Variants in EXOC4 observed in about 807,000 individuals in gnomAD.
EXOC4 encodes SEC8-like 1.
In EXOC4, 71 loss-of-function variants were observed where a neutral mutation model predicts 107.2. That is an observed-to-expected ratio of 0.66 (90% CI 0.55 to 0.81). The LOEUF is 0.81. Among genes scored for constraint, EXOC4 ranks in the 30% least tolerant of loss-of-function variants. EXOC4 has a pLI of 0.00. For missense variants in EXOC4, 1,108 were observed against 1,189.6 expected (o/e 0.93, Z 1.01); for synonymous variants, 456 against 441.2 (o/e 1.03, Z -0.42).
In EXOC4 at chr7:133,317,211, G is replaced by A. The variant is rs572875086; in HGVS notation, c.657-73G>A. 240 of 987,770 alleles carry A rather than the reference G, an allele frequency of 2.4e-4. 6 individuals are homozygous for A. Among genetic ancestry groups the A allele is most frequent in the Middle Eastern group, 2.1e-3 (10 of 4,678 alleles). 61.2% of individuals were successfully genotyped at this position (987,770 alleles called of 1,614,324 possible). On this transcript the variant is annotated intron_variant, in intron 4 of 17. Transcript: ENST00000253861. ...CTCATGACAAAAACAAAAGTGGTAA[G>A]GGTGGGGCTGTAGTGGGAGGACTTT...
At chr7:133,659,029 T>TTTTTTTA (rs1803369198) in intron 10 of EXOC4, among the ~76,000 whole-genome samples, 1 of 111,022 alleles carries the variant, frequency 9.0e-6, no homozygotes, top group African/African-American at 3.2e-5. Flanking sequence ...TTTTTTTTTT[T>TTTTTTTA]GTGGTTCATA....
chr7:133,701,505 G>T (rs1794655286), intron 10 of EXOC4, among the ~76,000 whole-genome samples: 1 of 152,028 alleles, frequency 6.6e-6, no homozygotes, highest in South Asian at 2.1e-4. Context: ...ACATTCCAGG[G>T]CCTCCAATGG....
intron 10 of EXOC4, among the ~76,000 whole-genome samples, chr7:133,760,528 C>T (rs1336902720): frequency 6.6e-6 from 1 of 152,084 alleles, no homozygotes; most frequent in Non-Finnish European, 1.5e-5. Context: ...CTCTACTCAT[C>T]ATCTCTACCT....
At position 133,705,290 on chromosome 7, in the gene EXOC4, C is replaced by G. The variant is rs567163639; in HGVS notation, c.1514+75149C>G. ...TCTAAGGCAGGAGAATCACTTGAAC[C>G]TGGGAGACAGAGGTTGCAGCGAGCT... On this transcript the variant is annotated intron_variant, in intron 10 of 17. Coordinates refer to ENST00000253861, the MANE Select transcript of EXOC4 (RefSeq NM_021807.4). Among the ~76,000 whole-genome samples the G allele has an allele frequency of 2.0e-3, 310 of 152,246 alleles. 2 individuals carry two copies. The highest frequency in any genetic ancestry group is 3.0e-3 in the Non-Finnish European group (206 of 68,014).
intron 9 of EXOC4, among the ~76,000 whole-genome samples, chr7:133,563,163 A>AT (rs1800841234): frequency 6.6e-6 from 1 of 151,834 alleles, no homozygotes; most frequent in South Asian, 2.1e-4. Context: ...ATTAGTGGTC[A>AT]TTTTTTAATG....
chr7:133,635,335 G>A (rs1424956997), intron 10 of EXOC4, among the ~76,000 whole-genome samples: 2 of 152,138 alleles, frequency 1.3e-5, no homozygotes, highest in African/African-American at 4.8e-5. Context: ...GATTTGTGGG[G>A]AGAAGGAGTG....
At chr7:134,057,836 G>A (rs886087298) in intron 17 of EXOC4, among the ~76,000 whole-genome samples, 1 of 152,162 alleles carries the variant, frequency 6.6e-6, no homozygotes, top group Admixed American at 6.5e-5. Flanking sequence ...AGCATCTACT[G>A]TAACCTTTCT....
intron 11 of EXOC4, among the ~76,000 whole-genome samples, chr7:133,877,191 T>C (rs1798868208): frequency 6.6e-6 from 1 of 152,178 alleles, no homozygotes; most frequent in Non-Finnish European, 1.5e-5. Flanking sequence ...ATTCTGTTTT[T>C]AGACATAGGA....
intron 17 of EXOC4, among the ~76,000 whole-genome samples, chr7:134,034,149 T>C (rs1795333917): frequency 6.6e-6 from 1 of 151,898 alleles, no homozygotes; most frequent in African/African-American, 2.4e-5. Context: ...CAGTCCAAAT[T>C]GGGATAATGA....
chr7:133,558,508 G>A (rs184202523), intron 9 of EXOC4, among the ~76,000 whole-genome samples: 2 of 152,154 alleles, frequency 1.3e-5, no homozygotes, highest in East Asian at 3.9e-4. Flanking sequence ...AGAGGGGTGT[G>A]TTAAACATTG....
At chr7:133,403,841 A>C (rs1797148581) in intron 7 of EXOC4, among the ~76,000 whole-genome samples, 1 of 151,996 alleles carries the variant, frequency 6.6e-6, no homozygotes, top group African/African-American at 2.4e-5. Context: ...TGAGGTAGGA[A>C]GGTAGCTTGA....
intron 6 of EXOC4, among the ~76,000 whole-genome samples, chr7:133,371,974 CTG>C (rs1183760340): frequency 9.9e-5 from 15 of 152,150 alleles, no homozygotes; most frequent in Admixed American, 6.5e-5. Context: ...TTGCATATCT[CTG>C]ATGGCTAAAG....
chr7:133,509,899 T>C (rs1799734970), intron 9 of EXOC4, among the ~76,000 whole-genome samples: 1 of 152,190 alleles, frequency 6.6e-6, no homozygotes, highest in Non-Finnish European at 1.5e-5. Context: ...TCATCTTACA[T>C]CTTTTCTTTC....
chr7:133,577,147 A>G (rs1430194819), intron 9 of EXOC4, among the ~76,000 whole-genome samples: 1 of 152,176 alleles, frequency 6.6e-6, no homozygotes, highest in Non-Finnish European at 1.5e-5. Flanking sequence ...CTTTTATTAA[A>G]TTTTGGGTAA....
chr7:133,353,419 G>C (rs1440957793), intron 5 of EXOC4, among the ~76,000 whole-genome samples: 1 of 152,038 alleles, frequency 6.6e-6, no homozygotes, highest in Non-Finnish European at 1.5e-5. Context: ...ATTCTTGGTT[G>C]ACAGTTTTTT....
chr7:133,358,919 A>AT (rs1365622613), intron 6 of EXOC4, among the ~76,000 whole-genome samples: 1 of 152,176 alleles, frequency 6.6e-6, no homozygotes, highest in East Asian at 1.9e-4. Context: ...CAGCAGCAGG[A>AT]TTTTTTTCCC....
chr7:133,719,708 C>G (rs959412539), intron 10 of EXOC4, among the ~76,000 whole-genome samples: 1 of 152,038 alleles, frequency 6.6e-6, no homozygotes, highest in Admixed American at 6.6e-5. Context: ...TGGCATTTCT[C>G]TGAAGTGAGT....
chr7:133,757,921 A>G (rs1403825111), intron 10 of EXOC4, among the ~76,000 whole-genome samples: 1 of 152,158 alleles, frequency 6.6e-6, no homozygotes, highest in African/African-American at 2.4e-5. Flanking sequence ...AAATGGGAAA[A>G]CAGAGCTTTG....
chr7:133,651,425 A>G (rs560217877), intron 10 of EXOC4, among the ~76,000 whole-genome samples: 1 of 152,324 alleles, frequency 6.6e-6, no homozygotes, highest in African/African-American at 2.4e-5. Context: ...TTTTGAATTG[A>G]ACATTTTCTG....
Sources: gnomAD v4.1 joint callset for allele counts (sites outside exome capture counted in the v4.1 genomes callset) on GRCh38, gnomAD v4.1.1 for gene constraint, MANE v1.5 for transcripts, NCBI Gene and HGNC (gene_info 2026-07-23, HGNC 2026-07-21) for gene names.